The following EYS variants were observed in gnomAD, a reference collection of about 807,000 sequenced individuals.
The protein encoded by EYS is protein eyes shut homolog.
In EYS, 250 loss-of-function variants were observed where a neutral mutation model predicts 282.1. The ratio of observed to expected loss-of-function variants is 0.89; its 90% CI spans 0.80 to 0.98. The LOEUF (loss-of-function observed/expected upper bound fraction) is 0.98, where lower values mean the gene tolerates loss of function less well. Ranked by LOEUF, EYS falls within the 50% of genes least tolerant of loss-of-function variation. EYS has a pLI of 0.00. For missense variants in EYS, 4,016 were observed against 3,709.0 expected, an observed-to-expected ratio of 1.08 and a Z score of -2.15; for synonymous variants, 1,355 against 1,282.9, an observed-to-expected ratio of 1.06 and a Z score of -1.20.
chr6:64,127,337 A>T (rs1466850955), intron 31 of EYS, among the ~76,000 whole-genome samples: 1 of 152,178 alleles, frequency 6.6e-6, no homozygotes, highest in Non-Finnish European at 1.5e-5. Flanking sequence ...GCTATACAAT[A>T]GCTACAATTA....
chr6:64,055,437 A>C (rs1770951835), intron 33 of EYS, among the ~76,000 whole-genome samples: 1 of 152,150 alleles, frequency 6.6e-6, no homozygotes, highest in Non-Finnish European at 1.5e-5. Flanking sequence ...TTTGTTTCAA[A>C]AAAGAAACAT....
chr6:64,075,912 C>T (rs1194008842), intron 32 of EYS, among the ~76,000 whole-genome samples: 1 of 151,920 alleles, frequency 6.6e-6, no homozygotes, highest in African/African-American at 2.4e-5. Context: ...GGTTGGCAAT[C>T]TATGTGGCCC....
chr6:64,623,752 AT>A (rs1767517641), intron 23 of EYS, among the ~76,000 whole-genome samples: 1 of 152,084 alleles, frequency 6.6e-6, no homozygotes, highest in Non-Finnish European at 1.5e-5. Context: ...ATGGTGGTTA[AT>A]TGCCTTACTG....
intron 22 of EYS, among the ~76,000 whole-genome samples, chr6:64,698,414 A>C (rs7764899): frequency 1.3e-5 from 2 of 151,908 alleles, no homozygotes; most frequent in Non-Finnish European, 2.9e-5. Context: ...ACAAAATTAA[A>C]AGACCATCAG....
chr6:64,250,727 GGAAA>G (rs1767182982), intron 30 of EYS, among the ~76,000 whole-genome samples: 1 of 152,000 alleles, frequency 6.6e-6, no homozygotes, highest in Admixed American at 6.6e-5. Context: ...AATCCAAATG[GGAAA>G]TCATTACTTA....
intron 33 of EYS, among the ~76,000 whole-genome samples, chr6:64,005,162 T>C (rs923508174): frequency 1.3e-5 from 2 of 152,204 alleles, no homozygotes; most frequent in Non-Finnish European, 2.9e-5. Context: ...CCATTCTGAC[T>C]AGTGTGAGAT....
intron 31 of EYS, among the ~76,000 whole-genome samples, chr6:64,082,645 A>G (rs1293638220): frequency 1.3e-5 from 2 of 152,168 alleles, no homozygotes; most frequent in African/African-American, 4.8e-5. Flanking sequence ...GTTCATTAAT[A>G]TTTAGTGCTT....
chr6:65,564,803 T>C (rs2127347822), intron 2 of EYS, among the ~76,000 whole-genome samples: 1 of 152,168 alleles, frequency 6.6e-6, no homozygotes, highest in Non-Finnish European at 1.5e-5. Context: ...AAAGAGCTTC[T>C]GCACAGCAAA....
intron 37 of EYS, among the ~76,000 whole-genome samples, chr6:63,796,929 C>T (rs1451952394): frequency 6.6e-6 from 1 of 152,190 alleles, no homozygotes; most frequent in African/African-American, 2.4e-5. Context: ...AGAGGAGCCA[C>T]AACGATGGTG....
intron 18 of EYS, among the ~76,000 whole-genome samples, chr6:64,901,047 A>C (rs1410188061): frequency 2.9e-5 from 2 of 68,430 alleles, no homozygotes; most frequent in African/African-American, 3.3e-4. Context: ...TACACCATGA[A>C]ATACTATGAG....
At chr6:64,727,214 G>C (rs1771785604) in intron 22 of EYS, among the ~76,000 whole-genome samples, 2 of 152,194 alleles carry the variant, frequency 1.3e-5, no homozygotes, top group African/African-American at 2.4e-5. Context: ...TGAGGAATTA[G>C]ACATATTAAA....
At chr6:65,235,583 A>T (rs1002807475) in intron 12 of EYS, among the ~76,000 whole-genome samples, 2 of 152,174 alleles carry the variant, frequency 1.3e-5, no homozygotes, top group Non-Finnish European at 2.9e-5. Flanking sequence ...GGTGATGTAG[A>T]TTGTAATTCC....
chr6:64,962,819 G>A (rs1014954968), intron 14 of EYS, among the ~76,000 whole-genome samples: 1 of 152,054 alleles, frequency 6.6e-6, no homozygotes, highest in African/African-American at 2.4e-5. Context: ...ATAGATTACC[G>A]AAGAGTAAGT....
intron 26 of EYS, among the ~76,000 whole-genome samples, chr6:64,544,734 T>C (rs1204479094): frequency 6.6e-6 from 1 of 152,168 alleles, no homozygotes; most frequent in Non-Finnish European, 1.5e-5. Context: ...CAGAGAATAC[T>C]ATAAAAACCT....
At chr6:65,627,275 T>C (rs187098327) in intron 2 of EYS, among the ~76,000 whole-genome samples, 2 of 152,208 alleles carry the variant, frequency 1.3e-5, no homozygotes, top group East Asian at 1.9e-4. Flanking sequence ...CCCAGTGAAC[T>C]TGTAGCTTTA....
At chr6:65,438,826 T>C (rs1768190211) in intron 5 of EYS, among the ~76,000 whole-genome samples, 2 of 152,176 alleles carry the variant, frequency 1.3e-5, no homozygotes, top group South Asian at 4.1e-4. Context: ...CTGATGGTAG[T>C]TTCTTTTGCT....
intron 8 of EYS, among the ~76,000 whole-genome samples, chr6:65,361,886 A>G (rs1764723981): frequency 6.6e-6 from 1 of 152,142 alleles, no homozygotes; most frequent in Admixed American, 6.6e-5. Flanking sequence ...TTTTCTAATT[A>G]TGAGAAAATG....
intron 23 of EYS, among the ~76,000 whole-genome samples, chr6:64,620,748 T>C (rs540728457): frequency 6.6e-6 from 1 of 152,296 alleles, no homozygotes; most frequent in South Asian, 2.1e-4. Flanking sequence ...TTCTTTTGAA[T>C]CTTATGTAGG....
chr6:63,774,174 C>CT (rs797017727), intron 40 of EYS, among the ~76,000 whole-genome samples: 1,881 of 145,936 alleles, frequency 0.013, 29 homozygotes, highest in African/African-American at 0.043. Context: ...CACTGCTTTT[C>CT]TTTTTTTTTT....
Sources: gnomAD v4.1 joint callset for allele counts (sites outside exome capture counted in the v4.1 genomes callset) on GRCh38, gnomAD v4.1.1 for gene constraint, MANE v1.5 for transcripts, NCBI Gene and HGNC (gene_info 2026-07-23, HGNC 2026-07-21) for gene names.